The following EPHB1 variants were observed in gnomAD, a reference collection of about 807,000 sequenced individuals.
EPHB1 encodes ephrin type-B receptor 1.
In EPHB1, 30 loss-of-function variants were observed where a neutral mutation model predicts 94.4. The ratio of observed to expected loss-of-function variants is 0.32; its 90% CI spans 0.24 to 0.43. The LOEUF (loss-of-function observed/expected upper bound fraction) is 0.43, where lower values mean the gene tolerates loss of function less well. Among genes scored for constraint, EPHB1 ranks in the 20% least tolerant of loss-of-function variants. The probability of loss-of-function intolerance (pLI) is 1.00; values close to 1 mark genes in which losing one functional copy is unlikely to be tolerated. For synonymous variants in EPHB1, 522 were observed against 489.1 expected (o/e 1.07, Z -0.89); for missense variants, 1,055 against 1,308.3 (o/e 0.81, Z 2.99).
intron 1 of EPHB1, among the ~76,000 whole-genome samples, chr3:134,810,986 AGG>A (rs2036161842): frequency 6.6e-6 from 1 of 152,118 alleles, no homozygotes; most frequent in South Asian, 2.1e-4. Flanking sequence ...TTTCCCCAGA[AGG>A]GGAGTCCCAT....
chr3:134,991,451 T>G (rs1934795287), intron 3 of EPHB1, among the ~76,000 whole-genome samples: 1 of 152,214 alleles, frequency 6.6e-6, no homozygotes. Flanking sequence ...ATTGTTTTCC[T>G]GCCTCAGAGT....
chr3:135,040,254 C>G (rs1056469885), intron 3 of EPHB1, among the ~76,000 whole-genome samples: 1 of 152,128 alleles, frequency 6.6e-6, no homozygotes, highest in Non-Finnish European at 1.5e-5. Flanking sequence ...TCAGGAGATT[C>G]GAGATACATA....
chr3:135,030,360 T>C (rs1010174476), intron 3 of EPHB1, among the ~76,000 whole-genome samples: 8 of 152,238 alleles, frequency 5.3e-5, no homozygotes, highest in South Asian at 2.1e-4. Context: ...TGGTTTTATC[T>C]ACTTTTGGTC....
At chr3:134,847,710 G>A (rs1274672320) in intron 1 of EPHB1, among the ~76,000 whole-genome samples, 2 of 152,228 alleles carry the variant, frequency 1.3e-5, no homozygotes, top group Non-Finnish European at 2.9e-5. Context: ...ACCCGAGGGA[G>A]CTATTTCCAC....
In EPHB1 at chr3:134,994,035, C is replaced by T. The variant is rs140043009; in HGVS notation, c.805+41983C>T. 5.9e-5 allele frequency among the ~76,000 whole-genome samples: 9 copies of T among 152,298 alleles called. No individual in the cohort carries two copies. In the East Asian group the frequency reaches 1.7e-3, roughly 29 times the overall value. On this transcript the variant is annotated intron_variant, in intron 3 of 15. Transcript: ENST00000398015. ...ATGCCATCTCTTCCATGAAGCCCTC[C>T]GGGGTTAGGTACCCCTTCCATGTGC...
chr3:134,931,907 G>A (rs577567926), intron 2 of EPHB1, among the ~76,000 whole-genome samples: 2 of 152,014 alleles, frequency 1.3e-5, no homozygotes, highest in Non-Finnish European at 2.9e-5. Context: ...TGTATATAGT[G>A]TATATATGTA....
intron 9 of EPHB1, among the ~76,000 whole-genome samples, chr3:135,179,239 C>A (rs544502741): frequency 6.6e-6 from 1 of 152,138 alleles, no homozygotes; most frequent in East Asian, 1.9e-4. Flanking sequence ...TTCATACCAC[C>A]TCATTTTTTC....
intron 12 of EPHB1, among the ~76,000 whole-genome samples, chr3:135,221,285 A>G (rs1943275576): frequency 6.6e-6 from 1 of 152,238 alleles, no homozygotes; most frequent in Non-Finnish European, 1.5e-5. Context: ...TTATCCAAAA[A>G]TAATGATTAT....
At chr3:135,204,377 T>C (rs548325736) in intron 12 of EPHB1, among the ~76,000 whole-genome samples, 36 of 152,194 alleles carry the variant, frequency 2.4e-4, no homozygotes, top group African/African-American at 8.2e-4. Context: ...CTAACTTTTT[T>C]GTATTTTCAG....
intron 10 of EPHB1, among the ~76,000 whole-genome samples, chr3:135,191,775 C>T (rs1397527478): frequency 2.0e-5 from 3 of 152,162 alleles, no homozygotes; most frequent in Non-Finnish European, 4.4e-5. Flanking sequence ...AAATAACTTG[C>T]TATTCAGCTG....
Position 134,876,284 on chromosome 3 carries a change from G to T in EPHB1, c.59-49532G>T, listed in dbSNP as rs2037615027. The stretch of plus-strand genomic sequence containing the variant: ...CCCATCTTTACCTGCACATCTCCAA[G>T]ATGTCCTTTCTTCCTCCTTCATCCC... On this transcript the variant is annotated intron_variant, in intron 1 of 15. Transcript: ENST00000398015. 3.3e-5 allele frequency among the ~76,000 whole-genome samples: 5 copies of T among 152,326 alleles called. No homozygotes were observed. In the South Asian group the frequency reaches 1.0e-3, roughly 32 times the overall value.
chr3:135,027,282 T>A (rs1160979068), intron 3 of EPHB1, among the ~76,000 whole-genome samples: 4 of 151,742 alleles, frequency 2.6e-5, no homozygotes, highest in African/African-American at 9.7e-5. Flanking sequence ...AGGGCATCCC[T>A]GTCTTGTGCC....
intron 15 of EPHB1, among the ~76,000 whole-genome samples, chr3:135,254,791 G>A (rs1361720476): frequency 2.0e-5 from 3 of 152,080 alleles, no homozygotes; most frequent in Non-Finnish European, 4.4e-5. Context: ...AGAAGGAATG[G>A]TACCAATTCC....
At chr3:134,923,987 T>A (rs189415399) in intron 1 of EPHB1, among the ~76,000 whole-genome samples, 2 of 152,300 alleles carry the variant, frequency 1.3e-5, no homozygotes, top group Admixed American at 1.3e-4. Context: ...CCTTGATACA[T>A]ATCCTGGGAA....
intron 12 of EPHB1, among the ~76,000 whole-genome samples, chr3:135,211,959 G>A (rs1392219120): frequency 1.3e-5 from 2 of 152,106 alleles, no homozygotes; most frequent in East Asian, 3.9e-4. Flanking sequence ...TAGGGCTGCA[G>A]TTATCTAGAG....
At chr3:134,911,488 G>T (rs182930643) in intron 1 of EPHB1, among the ~76,000 whole-genome samples, 1 of 152,060 alleles carries the variant, frequency 6.6e-6, no homozygotes, top group East Asian at 1.9e-4. Context: ...GGTATGATGT[G>T]GTCAGCTTCA....
At chr3:134,818,331 TA>T (rs1377603335) in intron 1 of EPHB1, among the ~76,000 whole-genome samples, 2 of 152,348 alleles carry the variant, frequency 1.3e-5, no homozygotes, top group African/African-American at 4.8e-5. Context: ...TGTATGACCT[TA>T]TGGTATGTCC....
At chr3:134,933,450 G>A (rs2038940386) in intron 2 of EPHB1, among the ~76,000 whole-genome samples, 1 of 120,958 alleles carries the variant, frequency 8.3e-6, no homozygotes, top group Non-Finnish European at 1.8e-5. Flanking sequence ...CCATTCCTGT[G>A]TTGTGGAGAG....
chr3:134,984,296 G>C (rs36104), intron 3 of EPHB1, among the ~76,000 whole-genome samples: 1 of 152,046 alleles, frequency 6.6e-6, no homozygotes, highest in Non-Finnish European at 1.5e-5. Context: ...ACTGCAGCTC[G>C]GCCGTCTTCC....
Sources: allele counts gnomAD v4.1 joint callset (sites outside exome capture counted in the v4.1 genomes callset), GRCh38; gene constraint gnomAD v4.1.1; transcripts MANE v1.5; gene names NCBI Gene and HGNC (gene_info 2026-07-23, HGNC 2026-07-21).